The following CLN6 variants were observed in gnomAD, a reference collection of about 807,000 sequenced individuals.
CLN6 encodes ceroid-lipofuscinosis neuronal protein 6.
A neutral mutation model predicts 33.3 loss-of-function variants in CLN6; 22 were observed. The observed-to-expected ratio is 0.66, with a 90% confidence interval of 0.47 to 0.94. CLN6 has a LOEUF of 0.94. Among genes scored for constraint, CLN6 ranks in the 40% least tolerant of loss-of-function variants. CLN6 has a pLI of 0.00. For synonymous variants in CLN6, 201 were observed against 174.6 expected (o/e 1.15, Z -1.19); for missense variants, 387 against 417.1 (o/e 0.93, Z 0.63).
At chr15:68,257,033 C>A (rs1892445187) in exon 1 of CLN6, 1 of 508,026 alleles carries the variant, frequency 2.0e-6, no homozygotes, top group Non-Finnish European at 3.5e-6. Context: ...GGTCGCAATA[C>A]CGCTGGGGGC....
rs756020393 is a variant in CLN6 at position 68,241,370 on chromosome 15, C to T, written c.179+15320G>A. ...CATAGAGAAGTGAAAAAGCTCTGAGCAGTCAGTAAGATAAATGGATTTCTA... is the reference window on the plus strand; with the variant it reads ...CATAGAGAAGTGAAAAAGCTCTGAGTAGTCAGTAAGATAAATGGATTTCTA... On this transcript the variant is annotated intron_variant, in intron 1 of 6. Transcript: ENST00000538696. The surrounding 1 kb of genome is among the most constrained non-coding windows in gnomAD (Gnocchi z 4.2). Among the ~76,000 whole-genome samples, 1 of 152,022 alleles carries T rather than the reference C, an allele frequency of 6.6e-6. No individual in the cohort carries two copies. The highest frequency in any genetic ancestry group is 1.5e-5 in the Non-Finnish European group (1 of 67,978).
At chr15:68,217,177 T>C (rs1168901057) in intron 2 of CLN6, among the ~76,000 whole-genome samples, 2 of 152,244 alleles carry the variant, frequency 1.3e-5, no homozygotes, top group Non-Finnish European at 2.9e-5. Context: ...TAAGTACTAA[T>C]CTTGCCAAGT....
In CLN6 at chr15:68,247,399, C is replaced by T. The variant is rs922586467; in HGVS notation, c.179+9291G>A. ...CAGAGGAAGAAATCAAGAAGGCAAT[C>T]CCATTTATAATAGCTGCAAAAACAA... On this transcript the variant is annotated intron_variant, in intron 1 of 6. Transcript: ENST00000538696. This position sits in a 1 kb window ranked among gnomAD's most constrained non-coding sequence, Gnocchi z 4.2. Among the ~76,000 whole-genome samples, 1 of 152,036 alleles carries T rather than the reference C, an allele frequency of 6.6e-6. No individual in the cohort carries two copies. The highest frequency in any genetic ancestry group is 1.5e-5 in the Non-Finnish European group (1 of 68,024).
chr15:68,212,712 T>A (rs1359555890), intron 3 of CLN6: 2 of 152,538 alleles, frequency 1.3e-5, no homozygotes, highest in South Asian at 4.1e-4. Flanking sequence ...GGTCTTACTA[T>A]GTTGCCCAGG....
At chr15:68,232,369 G>C (rs2141158165), upstream of CLN6, among the ~76,000 whole-genome samples, 1 of 152,206 alleles carries the variant, frequency 6.6e-6, no homozygotes, top group East Asian at 1.9e-4. This position sits in a 1 kb window ranked among gnomAD's most constrained non-coding sequence, Gnocchi z 4.7. Context: ...ATGTTAGCCA[G>C]GCTGGTCTTG....
At chr15:68,237,208 C>CAATG (rs1322532713) in intron 1 of CLN6, among the ~76,000 whole-genome samples, 2 of 144,950 alleles carry the variant, frequency 1.4e-5, no homozygotes, top group Non-Finnish European at 3.0e-5. Flanking sequence ...AGGCCAGGCA[C>CAATG]AATGGCTCAT....
chr15:68,243,219 G>GTC (rs999048757), intron 1 of CLN6, among the ~76,000 whole-genome samples: 6 of 152,186 alleles, frequency 3.9e-5, no homozygotes, highest in African/African-American at 1.4e-4. Context: ...TTAAAATTCT[G>GTC]TGAGTATAAA....
Position 68,208,387 on chromosome 15 carries a change from A to T in CLN6, c.689T>A (p.Ile230Asn). ...GAAGGTGAAGATGAAGAGGATGAAG[A>T]TCTGGCCCTCGGTGACCAGGTACCT... The part of the protein sequence containing the change: ...YYWYLVTEGQ[I>N]FILFIFTFFA... Residue 230 changes from isoleucine to asparagine, a missense_variant, in exon 7 of 7, where the codon ATC becomes AAC. Ile to Asn is a moderately radical substitution (Grantham distance 149). Coordinates refer to ENST00000249806, the MANE Select transcript of CLN6 (RefSeq NM_017882.3). The surrounding 1 kb of genome is among the most constrained non-coding windows in gnomAD (Gnocchi z 5.8). The T allele has an allele frequency of 6.2e-7, 1 of 1,613,288 alleles. No individual in the cohort carries two copies. Among genetic ancestry groups the T allele is most frequent in the Non-Finnish European group, 8.5e-7 (1 of 1,180,034 alleles).
Position 68,210,442 on chromosome 15 carries a change from G to A in CLN6, c.543-683C>T, listed in dbSNP as rs943503469. Among the ~76,000 whole-genome samples, 1 of 152,202 alleles carries A rather than the reference G, an allele frequency of 6.6e-6. No individual in the cohort carries two copies. On this transcript the variant is annotated intron_variant, in intron 5 of 6. Transcript: ENST00000249806. The surrounding 1 kb of genome is among the most constrained non-coding windows in gnomAD (Gnocchi z 5.6). ...AAAGATGGCAGGAGGCCTGTCCAGG[G>A]ACCCTGGACCAGCTGAGCCAGGAGG...
At chr15:68,222,677 AAAAAG>A (rs760953702) in intron 1 of CLN6, among the ~76,000 whole-genome samples, 3 of 152,218 alleles carry the variant, frequency 2.0e-5, no homozygotes, top group Non-Finnish European at 4.4e-5. Context: ...CAGTTTTGTC[AAAAAG>A]AAAAGGGGGA....
Position 68,227,730 on chromosome 15 carries a change from C to G in CLN6, c.83+1772G>C, listed in dbSNP as rs947839915. Among the ~76,000 whole-genome samples the G allele has an allele frequency of 2.0e-5, 3 of 152,190 alleles. No individual in the cohort carries two copies. Among genetic ancestry groups the G allele is most frequent in the Admixed American group, 1.3e-4 (2 of 15,272 alleles). On this transcript the variant is annotated intron_variant, in intron 1 of 6. Coordinates refer to ENST00000249806, the MANE Select transcript of CLN6 (RefSeq NM_017882.3). This position sits in a 1 kb window ranked among gnomAD's most constrained non-coding sequence, Gnocchi z 4.1. Reference sequence around the variant, plus strand: ...GGTTCTTGCCAGCAAATGATGTAACCTCTTTGGGCCTCCATTTCCCCATCT... The same window carrying G: ...GGTTCTTGCCAGCAAATGATGTAACGTCTTTGGGCCTCCATTTCCCCATCT...
chr15:68,226,101 C>T (rs1177955403), intron 1 of CLN6, among the ~76,000 whole-genome samples: 1 of 151,702 alleles, frequency 6.6e-6, no homozygotes, highest in Admixed American at 6.6e-5. Context: ...GGGTGAATCA[C>T]AAAGTCAGAA....
rs997423658 is a variant in CLN6 at position 68,227,851 on chromosome 15, T to C, written c.83+1651A>G. Among the ~76,000 whole-genome samples the C allele has an allele frequency of 2.6e-5, 4 of 152,214 alleles. No homozygotes were observed. The highest frequency in any genetic ancestry group is 9.6e-5 in the African/African-American group (4 of 41,456). On this transcript the variant is annotated intron_variant, in intron 1 of 6. Transcript: ENST00000249806. The surrounding 1 kb of genome is among the most constrained non-coding windows in gnomAD (Gnocchi z 4.1). Reference sequence around the variant, plus strand: ...CAGGAGATAAAGTGGTGACCCTATCTGAGACCCACAGGCTGTTCCCATTGG... The same window carrying C: ...CAGGAGATAAAGTGGTGACCCTATCCGAGACCCACAGGCTGTTCCCATTGG...
chr15:68,218,599 G>A lies in CLN6; in HGVS notation c.135C>T (p.Leu45=), dbSNP rs374577694. 1.2e-4 allele frequency: 188 copies of A among 1,613,998 alleles called. 1 individual carries two copies. In the South Asian group the frequency reaches 1.8e-3, roughly 15 times the overall value. The change falls in exon 2 of 7, where the codon CTC becomes CTT. Residue 45 remains leucine (L), a synonymous_variant. Transcript: ENST00000249806. The part of the protein sequence containing the change: ...DEAARTAPFH[L]DLWFYFTLQN... The stretch of plus-strand genomic sequence containing the variant: ...GCAGTGTGAAGTAGAACCAGAGGTC[G>A]AGGTGGAAGGGAGCCGTGCGGGCAG...
At position 68,218,601 on chromosome 15, in the gene CLN6, G is replaced by A. The variant is rs964241858; in HGVS notation, c.133C>T (p.Leu45Phe). The change falls in exon 2 of 7, where the codon CTC (leucine) becomes TTC (phenylalanine). Residue 45 changes from leucine (L) to phenylalanine (F), a missense_variant. By Grantham distance (22) the Leu-to-Phe change is conservative (BLOSUM62 0). Coordinates refer to ENST00000249806, the MANE Select transcript of CLN6 (RefSeq NM_017882.3). ...DEAARTAPFH[L>F]DLWFYFTLQN... is the part of the protein sequence containing the mutation. ...AGTGTGAAGTAGAACCAGAGGTCGAGGTGGAAGGGAGCCGTGCGGGCAGCC... is the reference window on the plus strand; with the variant it reads ...AGTGTGAAGTAGAACCAGAGGTCGAAGTGGAAGGGAGCCGTGCGGGCAGCC... 4.3e-6 allele frequency: 7 copies of A among 1,613,888 alleles called. No homozygotes were observed. The African/African-American group carries it at 5.3e-5, about 12-fold the overall frequency.
rs2093190408 is a variant in CLN6 at position 68,207,562 on chromosome 15, G to A, written c.*578C>T. 1 of 178,784 alleles carries A rather than the reference G, an allele frequency of 5.6e-6. No homozygotes were observed. The highest frequency in any genetic ancestry group is 1.2e-5 in the Non-Finnish European group (1 of 82,732). The allele number at this position is 178,784 out of a possible 1,614,324, so 11.1% of individuals were successfully genotyped here. A position where few individuals can be genotyped will look rare whatever the true frequency, so the allele number is the denominator to read the frequency against. ...TCTGTCCCAAAGCTGCACCCAAGGG[G>A]TGTCAGCAACCCCAACCTACTGACC... On this transcript the variant is annotated 3_prime_UTR_variant, in exon 7 of 7. Coordinates refer to ENST00000249806, the MANE Select transcript of CLN6 (RefSeq NM_017882.3).
chr15:68,215,815 T>G (rs148191773), intron 2 of CLN6, among the ~76,000 whole-genome samples: 213 of 152,252 alleles, frequency 1.4e-3, no homozygotes, highest in Non-Finnish European at 2.5e-3. Context: ...AATCCCATTA[T>G]GGTTAGAAGG....
rs1056256381 is a variant in CLN6, at chr15:68,227,418, T to C, written c.83+2084A>G. ...TGGAATGGGTTACCTTAAGAGGTAG[T>C]GAGCAAAGCACGGATGCAGCAGAGG... On this transcript the variant is annotated intron_variant, in intron 1 of 6. Transcript: ENST00000249806. The surrounding 1 kb of genome is among the most constrained non-coding windows in gnomAD (Gnocchi z 4.1). Among the ~76,000 whole-genome samples the C allele has an allele frequency of 5.9e-5, 9 of 152,242 alleles. No individual in the cohort carries two copies. Among genetic ancestry groups the C allele is most frequent in the Admixed American group, 2.6e-4 (4 of 15,288 alleles).
At chr15:68,248,739 G>A (rs1892350373) in intron 1 of CLN6, among the ~76,000 whole-genome samples, 1 of 151,788 alleles carries the variant, frequency 6.6e-6, no homozygotes. Flanking sequence ...CATTGGTCAG[G>A]GCAAAGATTT....
Sources: allele counts gnomAD v4.1 joint callset (sites outside exome capture counted in the v4.1 genomes callset), GRCh38; gene constraint gnomAD v4.1.1; non-coding constraint Gnocchi (gnomAD v3.1); transcripts MANE v1.5; gene names NCBI Gene and HGNC (gene_info 2026-07-23, HGNC 2026-07-21).